Variants in C21orf91 observed in about 807,000 individuals in gnomAD.
C21orf91 encodes the protein protein EURL homolog.
Under a neutral mutation model 32.9 loss-of-function variants are expected in C21orf91, and 26 were observed. That is an observed-to-expected ratio of 0.79 (90% CI 0.58 to 1.10). The LOEUF (loss-of-function observed/expected upper bound fraction) is 1.10, where lower values mean the gene tolerates loss of function less well. C21orf91 is among the 50% of genes least tolerant of loss of function. C21orf91 has a pLI of 0.00. For missense variants in C21orf91, 310 were observed against 341.3 expected, an observed-to-expected ratio of 0.91 and a Z score of 0.72; for synonymous variants, 126 against 120.4, an observed-to-expected ratio of 1.05 and a Z score of -0.31.
In C21orf91 at chr21:17,818,301, C is replaced by T; in HGVS notation, c.18G>A (p.Gln6=). The change falls in exon 2 of 5, where the codon CAG becomes CAA. Residue 6 remains glutamine, a synonymous_variant. Coordinates refer to ENST00000284881, the MANE Select transcript of C21orf91 (RefSeq NM_001100420.2). ...CATCATTCAAATCAATGTTTACAAA[C>T]TGCTCCTCTTCGTTCATAGTGCCCC... MNEEE[Q]FVNIDLNDDN... The T allele has an allele frequency of 6.2e-7, 1 of 1,611,824 alleles. No individual in the cohort carries two copies.
In C21orf91 at chr21:17,789,506, T is replaced by C. The variant is rs2062455997; in HGVS notation, c.*3909A>G. 1 of 152,166 alleles carries C rather than the reference T, an allele frequency of 6.6e-6. No homozygotes were observed. The highest frequency in any genetic ancestry group is 1.9e-4 in the East Asian group (1 of 5,204). 9.4% of individuals were successfully genotyped at this position (152,166 alleles called of 1,614,324 possible). ...CATCTTCATGAATTTTTGTTTACTT[T>C]GGTAAACTTAAAATTGTGAAATAAT... is the stretch of plus-strand genomic sequence containing the variant. On this transcript the variant is annotated 3_prime_UTR_variant, in exon 5 of 5. Transcript: ENST00000284881.
At chr21:17,803,043 G>C (rs2062572579) in intron 2 of C21orf91, among the ~76,000 whole-genome samples, 1 of 152,166 alleles carries the variant, frequency 6.6e-6, no homozygotes, top group Non-Finnish European at 1.5e-5. Context: ...CTCAAACTTA[G>C]AGCAGAATTA....
chr21:17,793,676 C>T, intron 4 of C21orf91, 95 bp from the exon 5 acceptor site: 1 of 745,298 alleles, frequency 1.3e-6, no homozygotes. Flanking sequence ...ATGCATTGGG[C>T]AAAGTGTCAC....
In C21orf91 at chr21:17,789,178, T is replaced by G. The variant is rs535955449; in HGVS notation, c.*4237A>C. 1 of 152,124 alleles carries G rather than the reference T, an allele frequency of 6.6e-6. No homozygotes were observed. Among genetic ancestry groups the G allele is most frequent in the Non-Finnish European group, 1.5e-5 (1 of 67,988 alleles). 9.4% of individuals were successfully genotyped at this position (152,124 alleles called of 1,614,324 possible). On this transcript the variant is annotated 3_prime_UTR_variant, in exon 5 of 5. Coordinates refer to ENST00000284881, the MANE Select transcript of C21orf91 (RefSeq NM_001100420.2). ...TTTTTCCAAAAGTCTTAACACAATT[T>G]TGTAAAGTAAATTTCTAACACCAGA...
In C21orf91 at chr21:17,789,513, C is replaced by A. The variant is rs966295825; in HGVS notation, c.*3902G>T. ...ATGAATTTTTGTTTACTTTGGTAAA[C>A]TTAAAATTGTGAAATAATTAAATAT... On this transcript the variant is annotated 3_prime_UTR_variant, in exon 5 of 5. Coordinates refer to ENST00000284881, the MANE Select transcript of C21orf91 (RefSeq NM_001100420.2). 6.6e-6 allele frequency: 1 copy of A among 151,974 alleles called. No individual in the cohort carries two copies. Among genetic ancestry groups the A allele is most frequent in the Non-Finnish European group, 1.5e-5 (1 of 67,972 alleles). The allele number at this position is 151,974 out of a possible 1,614,324, so 9.4% of individuals were successfully genotyped here. A position where few individuals can be genotyped will look rare whatever the true frequency, so the allele number is the denominator to read the frequency against.
intron 4 of C21orf91, among the ~76,000 whole-genome samples, chr21:17,794,853 G>A (rs2062505874): frequency 2.0e-5 from 3 of 152,088 alleles, no homozygotes; most frequent in African/African-American, 7.2e-5. Context: ...GACTGTTTGA[G>A]CCCAGGAGCT....
rs1408947040 is a variant in C21orf91 at position 17,810,400 on chromosome 21, A to C, written c.127+7792T>G. On this transcript the variant is annotated intron_variant, in intron 2 of 4. Coordinates refer to ENST00000284881, the MANE Select transcript of C21orf91 (RefSeq NM_001100420.2). ...CTAAATATGTTCTAAATATTTCTAAAATGTTCTATTGACATAGTTAGTTTA... is the reference window on the plus strand; with the variant it reads ...CTAAATATGTTCTAAATATTTCTAACATGTTCTATTGACATAGTTAGTTTA... 3 of 152,232 alleles carry C rather than the reference A, an allele frequency of 2.0e-5. No individual in the cohort carries two copies. The East Asian group carries it at 5.8e-4, about 29-fold the overall frequency. The allele number at this position is 152,232 out of a possible 1,614,324, so 9.4% of individuals were successfully genotyped here.
At chr21:17,801,700 G>T (rs1000657601) in intron 2 of C21orf91, among the ~76,000 whole-genome samples, 107 of 151,584 alleles carry the variant, frequency 7.1e-4, no homozygotes, top group African/African-American at 2.4e-3. Context: ...TGTTGGGGGT[G>T]GGGGGCTAGG....
intron 2 of C21orf91, among the ~76,000 whole-genome samples, chr21:17,797,535 T>G (rs1836224649): frequency 6.6e-6 from 1 of 151,694 alleles, no homozygotes; most frequent in Admixed American, 6.6e-5. Context: ...CTGAACAAGT[T>G]TTCCTCCCTA....
rs369157083 is a variant in C21orf91, at chr21:17,792,333, A to G, written c.*1082T>C. 3.9e-5 allele frequency: 6 copies of G among 152,136 alleles called. No individual in the cohort carries two copies. The highest frequency in any genetic ancestry group is 1.9e-4 in the East Asian group (1 of 5,198). The allele number at this position is 152,136 out of a possible 1,614,324, so 9.4% of individuals were successfully genotyped here. Reference sequence around the variant, plus strand: ...TGCTTTTCTTCTGTAGAACAATCCTATATTTCTCTATAGAGTCTAAAGTTT... The same window carrying G: ...TGCTTTTCTTCTGTAGAACAATCCTGTATTTCTCTATAGAGTCTAAAGTTT... On this transcript the variant is annotated 3_prime_UTR_variant, in exon 5 of 5. Coordinates refer to ENST00000284881, the MANE Select transcript of C21orf91 (RefSeq NM_001100420.2).
intron 2 of C21orf91, among the ~76,000 whole-genome samples, chr21:17,802,346 A>T (rs984975049): frequency 3.3e-5 from 5 of 152,164 alleles, no homozygotes; most frequent in African/African-American, 7.2e-5. Context: ...TTTTTAGTAG[A>T]GATGGAGTTT....
In C21orf91 at chr21:17,793,247, T is replaced by G; in HGVS notation, c.*168A>C. On this transcript the variant is annotated 3_prime_UTR_variant, in exon 5 of 5. Transcript: ENST00000284881. ...GCCAAAATGATTAGCCCTAGAAGACTAGAGTATAATGATCTGCTTTATTTG... is the reference window on the plus strand; with the variant it reads ...GCCAAAATGATTAGCCCTAGAAGACGAGAGTATAATGATCTGCTTTATTTG... 4.4e-6 allele frequency: 2 copies of G among 451,706 alleles called. No homozygotes were observed. Among genetic ancestry groups the G allele is most frequent in the Non-Finnish European group, 7.9e-6 (2 of 251,758 alleles). The allele number at this position is 451,706 out of a possible 1,614,324, so 28.0% of individuals were successfully genotyped here.
At chr21:17,801,688 C>A (rs1370815785) in intron 2 of C21orf91, among the ~76,000 whole-genome samples, 2 of 148,596 alleles carry the variant, frequency 1.3e-5, no homozygotes, top group Non-Finnish European at 3.0e-5. Flanking sequence ...CAAACTGGGG[C>A]CTGTTGGGGG....
At chr21:17,811,574 CTT>C (rs1222881083) in intron 2 of C21orf91, 1 of 152,112 alleles carries the variant, frequency 6.6e-6, no homozygotes. Context: ...GGTGATGTCT[CTT>C]TATCAGTTTT....
intron 2 of C21orf91, among the ~76,000 whole-genome samples, chr21:17,800,855 A>G (rs2062554626): frequency 6.6e-6 from 1 of 152,216 alleles, no homozygotes; most frequent in Non-Finnish European, 1.5e-5. Flanking sequence ...TTAATTGGCA[A>G]CCAAAAGTCT....
rs761751614 is a variant in C21orf91 at position 17,796,997 on chromosome 21, A to G, written c.249T>C (p.Tyr83=). ...CPRSKLSKST[Y]EEVKTILSKK... Reference sequence around the variant, plus strand: ...TACTCAAAATGGTTTTAACTTCTTCATAAGTACTTTTTGAAAGCTTAGATC... The same window carrying G: ...TACTCAAAATGGTTTTAACTTCTTCGTAAGTACTTTTTGAAAGCTTAGATC... Residue 83 remains tyrosine, a synonymous_variant, in exon 3 of 5, where the codon TAT becomes TAC. Coordinates refer to ENST00000284881, the MANE Select transcript of C21orf91 (RefSeq NM_001100420.2). The G allele has an allele frequency of 6.2e-6, 10 of 1,613,416 alleles. No individual in the cohort carries two copies. The highest frequency in any genetic ancestry group is 1.7e-5 in the Admixed American group (1 of 59,980).
chr21:17,802,442 G>T (rs76020224), intron 2 of C21orf91, among the ~76,000 whole-genome samples: 1 of 152,324 alleles, frequency 6.6e-6, no homozygotes, highest in African/African-American at 2.4e-5. Flanking sequence ...ATTACATGTG[G>T]CGTGTAATCC....
rs1316399351 is a variant in C21orf91 at position 17,792,686 on chromosome 21, G to C, written c.*729C>G. 1 of 152,248 alleles carries C rather than the reference G, an allele frequency of 6.6e-6. No individual in the cohort carries two copies. Among genetic ancestry groups the C allele is most frequent in the African/African-American group, 2.4e-5 (1 of 41,378 alleles). The allele number at this position is 152,248 out of a possible 1,614,324, so 9.4% of individuals were successfully genotyped here. A position where few individuals can be genotyped will look rare whatever the true frequency, so the allele number is the denominator to read the frequency against. On this transcript the variant is annotated 3_prime_UTR_variant, in exon 5 of 5. Transcript: ENST00000284881. ...GAAGCCAGATTAGTCTTTTCTTCCT[G>C]AACTAAGAACTGCTTTTGTTAGAAA...
Position 17,793,530 on chromosome 21 carries a change from G to A in C21orf91, c.779C>T (p.Ser260Leu), listed in dbSNP as rs1335234861. Residue 260 changes from serine (S) to leucine (L), a missense_variant, in exon 5 of 5, where the codon TCA (serine) becomes TTA (leucine). By Grantham distance (145) the Ser-to-Leu change is moderately radical. Transcript: ENST00000284881. ...HQVQEKDSLA[S>L]QLHVRHVAIE... ...GGCAACGTGGCGGACATGGAGCTGT[G>A]AGGCCAAAGAATCTTTTTCTTGCAC... The A allele has an allele frequency of 6.2e-7, 1 of 1,613,548 alleles. No homozygotes were observed. The highest frequency in any genetic ancestry group is 1.3e-5 in the African/African-American group (1 of 74,912).
Sources: gnomAD v4.1 joint callset for allele counts (sites outside exome capture counted in the v4.1 genomes callset) on GRCh38, gnomAD v4.1.1 for gene constraint, MANE v1.5 for transcripts, NCBI Gene and HGNC (gene_info 2026-07-23, HGNC 2026-07-21) for gene names.